FGF14: variants seen among roughly 807,000 people sequenced by gnomAD.
FGF14 encodes the protein fibroblast growth factor homologous factor 4.
Under a neutral mutation model 25.5 loss-of-function variants are expected in FGF14, and 5 were observed. That is an observed-to-expected ratio of 0.20 (90% confidence interval 0.10 to 0.41). The LOEUF is 0.41. FGF14 is among the 10% of genes least tolerant of loss of function. The pLI is 1.00. For missense variants in FGF14, 222 were observed against 320.1 expected (o/e 0.69, Z 2.34); for synonymous variants, 138 against 118.3 (o/e 1.17, Z -1.08).
At chr13:102,208,931 C>T (rs986338350) in intron 1 of FGF14, among the ~76,000 whole-genome samples, 1 of 152,124 alleles carries the variant, frequency 6.6e-6, no homozygotes, top group Admixed American at 6.5e-5. Context: ...TTATTTCTAC[C>T]CAAATTTAAA....
At chr13:101,746,300 C>T (rs1378978809) in intron 3 of FGF14, among the ~76,000 whole-genome samples, 1 of 151,912 alleles carries the variant, frequency 6.6e-6, no homozygotes, top group Non-Finnish European at 1.5e-5. Context: ...AGAAACTTCT[C>T]AAAAGTAATG....
In FGF14 at chr13:102,113,818, A is replaced by G. The variant is rs959634396; in HGVS notation, c.209-238522T>C. ...ACTGAAGAAAACTATTTTAGTTTAT[A>G]TATCTTCCAATTTCACAAGTAGTAA... On this transcript the variant is annotated intron_variant, in intron 1 of 4. Coordinates refer to the FGF14 transcript ENST00000376131. Among the ~76,000 whole-genome samples the G allele has an allele frequency of 2.6e-5, 4 of 152,234 alleles. No homozygotes were observed. The East Asian group carries it at 5.8e-4, about 22-fold the overall frequency.
chr13:102,161,392 C>T (rs1594213364), intron 1 of FGF14, among the ~76,000 whole-genome samples: 1 of 152,010 alleles, frequency 6.6e-6, no homozygotes, highest in Non-Finnish European at 1.5e-5. Flanking sequence ...GCTGTCTTGT[C>T]ACCACTGTAT....
At chr13:101,993,917 T>G (rs1430891779) in intron 1 of FGF14, among the ~76,000 whole-genome samples, 1 of 151,670 alleles carries the variant, frequency 6.6e-6, no homozygotes, top group Non-Finnish European at 1.5e-5. Flanking sequence ...ACTTAAAGTA[T>G]AATAATAATA....
At chr13:102,159,534 G>A (rs2047526101) in intron 1 of FGF14, among the ~76,000 whole-genome samples, 1 of 152,210 alleles carries the variant, frequency 6.6e-6, no homozygotes, top group South Asian at 2.1e-4. Context: ...CACCTCCAGT[G>A]TGGCTTTTCG....
chr13:102,258,224 A>C (rs950389297), intron 1 of FGF14, among the ~76,000 whole-genome samples: 1 of 152,100 alleles, frequency 6.6e-6, no homozygotes, highest in African/African-American at 2.4e-5. Flanking sequence ...ACACGTGGGA[A>C]TTATGGGAAC....
intron 1 of FGF14, among the ~76,000 whole-genome samples, chr13:101,933,040 C>T (rs2034870603): frequency 6.6e-6 from 1 of 152,144 alleles, no homozygotes; most frequent in Non-Finnish European, 1.5e-5. Flanking sequence ...TAATTTTTCA[C>T]TCTATTCATC....
intron 1 of FGF14, among the ~76,000 whole-genome samples, chr13:102,366,897 AAAT>A (rs1266350511): frequency 6.6e-6 from 1 of 152,200 alleles, no homozygotes; most frequent in Non-Finnish European, 1.5e-5. Context: ...AGATTAAAGT[AAAT>A]AATAAGATGT....
intron 1 of FGF14, among the ~76,000 whole-genome samples, chr13:102,064,659 G>T (rs1253531469): frequency 2.0e-5 from 3 of 151,946 alleles, no homozygotes; most frequent in Non-Finnish European, 1.5e-5. Context: ...GATATAGTTG[G>T]CTCTTAATAT....
chr13:101,783,074 T>C (rs1283074668), intron 3 of FGF14, among the ~76,000 whole-genome samples: 2 of 152,218 alleles, frequency 1.3e-5, no homozygotes, highest in Non-Finnish European at 2.9e-5. Flanking sequence ...CCACTCTGAC[T>C]GGTATTAGAT....
intron 1 of FGF14, among the ~76,000 whole-genome samples, chr13:102,279,997 A>G (rs760704516): frequency 6.6e-6 from 1 of 152,208 alleles, no homozygotes; most frequent in Non-Finnish European, 1.5e-5. Context: ...GCCTAAAGTT[A>G]TATTCTGTGT....
chr13:102,273,613 G>A (rs1268099592), intron 1 of FGF14, among the ~76,000 whole-genome samples: 1 of 152,160 alleles, frequency 6.6e-6, no homozygotes, highest in Non-Finnish European at 1.5e-5. Flanking sequence ...CACCTGAAAT[G>A]TCATAAGCAG....
Position 101,907,142 on chromosome 13 carries a change from TTCA to T in FGF14, c.193+9308_193+9310del, listed in dbSNP as rs1274174525. ...CAAAGACTAATTCTCAGAAAGACCA[TTCA>T]TCTTCTTCTGTTTTATAGAGACAAG... On this transcript the variant is annotated intron_variant, in intron 1 of 4. Transcript: ENST00000376143. Among the ~76,000 whole-genome samples the T allele has an allele frequency of 6.6e-5, 10 of 152,236 alleles. No individual in the cohort carries two copies. In the East Asian group the frequency reaches 1.5e-3, roughly 24 times the overall value.
At chr13:101,732,866 T>C (rs999355128) in intron 3 of FGF14, among the ~76,000 whole-genome samples, 14 of 152,240 alleles carry the variant, frequency 9.2e-5, no homozygotes, top group Admixed American at 3.9e-4. Context: ...CCACTTAATC[T>C]GAATTCTCAA....
intron 1 of FGF14, among the ~76,000 whole-genome samples, chr13:102,284,834 T>C (rs72647461): frequency 0.046 from 7,044 of 152,216 alleles, 292 homozygotes; most frequent in East Asian, 0.16. Flanking sequence ...ATAATTAATA[T>C]AATCATTGGT....
chr13:102,323,431 T>C (rs2056315950), intron 1 of FGF14, among the ~76,000 whole-genome samples: 1 of 152,224 alleles, frequency 6.6e-6, no homozygotes, highest in Non-Finnish European at 1.5e-5. Flanking sequence ...TTAAAGTCTG[T>C]TTTATAATTT....
At chr13:102,002,732 G>A (rs2039565397) in intron 1 of FGF14, 1 of 152,250 alleles carries the variant, frequency 6.6e-6, no homozygotes, top group African/African-American at 2.4e-5. Flanking sequence ...AAGTGATTAG[G>A]AGCAATATAA....
intron 1 of FGF14, among the ~76,000 whole-genome samples, chr13:101,905,057 G>A (rs1195043753): frequency 6.6e-6 from 1 of 152,176 alleles, no homozygotes; most frequent in Non-Finnish European, 1.5e-5. Flanking sequence ...TGGAACAGAC[G>A]TGTCTGAACT....
chr13:101,874,816 T>C (rs1323900068), intron 2 of FGF14, among the ~76,000 whole-genome samples: 2 of 152,124 alleles, frequency 1.3e-5, no homozygotes, highest in East Asian at 1.9e-4. Context: ...GTTAAGAACC[T>C]CAGAGCCTGA....
Sources: allele counts gnomAD v4.1 joint callset (sites outside exome capture counted in the v4.1 genomes callset), GRCh38; gene constraint gnomAD v4.1.1; transcripts MANE v1.5; gene names NCBI Gene and HGNC (gene_info 2026-07-23, HGNC 2026-07-21).